Variants in SYN3 observed in about 807,000 individuals in gnomAD.
SYN3 encodes the protein synapsin III, also known as synapsin-3.
In SYN3, 35 loss-of-function variants were observed where a neutral mutation model predicts 65.8. The observed-to-expected ratio is 0.53, with a 90% CI of 0.41 to 0.70. The LOEUF (loss-of-function observed/expected upper bound fraction) is 0.70, where lower values mean the gene tolerates loss of function less well. SYN3 is among the 30% of genes least tolerant of loss of function. The pLI is 0.00. For synonymous variants in SYN3, 270 were observed against 292.9 expected (o/e 0.92, Z 0.80); for missense variants, 680 against 749.0 (o/e 0.91, Z 1.08).
At chr22:32,972,422 A>G (rs1002497564) in intron 3 of SYN3, among the ~76,000 whole-genome samples, 1 of 151,280 alleles carries the variant, frequency 6.6e-6, no homozygotes, top group Non-Finnish European at 1.5e-5. Flanking sequence ...TGTAGATGCC[A>G]AGTAGCCAAA....
At chr22:32,955,143 AC>A (rs1259391414) in intron 3 of SYN3, among the ~76,000 whole-genome samples, 1 of 151,804 alleles carries the variant, frequency 6.6e-6, no homozygotes, top group Non-Finnish European at 1.5e-5. Context: ...ACAGCCCTGC[AC>A]CCCCAGGTGA....
At chr22:32,964,815 A>C (rs1006375344) in intron 3 of SYN3, among the ~76,000 whole-genome samples, 2 of 152,274 alleles carry the variant, frequency 1.3e-5, no homozygotes, top group Non-Finnish European at 2.9e-5. Flanking sequence ...GCCCCATGAC[A>C]GAACTTAGCT....
chr22:32,978,081 C>A (rs1051819874), intron 3 of SYN3, among the ~76,000 whole-genome samples: 4 of 152,146 alleles, frequency 2.6e-5, no homozygotes, highest in African/African-American at 9.7e-5. Flanking sequence ...CTTCAAAGAA[C>A]CTAATTTGCT....
intron 2 of SYN3, among the ~76,000 whole-genome samples, chr22:32,986,924 G>A (rs2052544862): frequency 6.6e-6 from 1 of 152,136 alleles, no homozygotes; most frequent in South Asian, 2.1e-4. Context: ...GCTGCCTGGG[G>A]TGGGAAATCC....
chr22:32,929,040 T>C, intron 4 of SYN3, among the ~76,000 whole-genome samples: 1 of 152,196 alleles, frequency 6.6e-6, no homozygotes, highest in East Asian at 1.9e-4. Context: ...TCCAACACTT[T>C]GGGAGGCCAA....
intron 6 of SYN3, among the ~76,000 whole-genome samples, chr22:32,719,111 C>T (rs1456269522): frequency 6.6e-6 from 1 of 152,214 alleles, no homozygotes; most frequent in Non-Finnish European, 1.5e-5. Context: ...CTTCCCTCAT[C>T]CCCTCTTTGA....
chr22:32,857,403 T>C (rs561492810), intron 6 of SYN3: 1 of 1,456,694 alleles, frequency 6.9e-7, no homozygotes, highest in East Asian at 2.3e-5. Flanking sequence ...TTGGCCAAGG[T>C]CCACTGTTTC....
Position 32,546,675 on chromosome 22 carries a change from C to T in SYN3, c.775-4962G>A, listed in dbSNP as rs931927414. On this transcript the variant is annotated intron_variant, in intron 7 of 13. Transcript: ENST00000358763. ...GCCTGGGCAGGGAGTCTTGGCACTC[C>T]GCTTTATTTACTGGCTGGAAATCCC... Among the ~76,000 whole-genome samples the T allele has an allele frequency of 1.5e-4, 23 of 151,802 alleles. No homozygotes were observed. The South Asian group carries it at 3.7e-3, about 25-fold the overall frequency.
At chr22:32,533,727 A>G in intron 10 of SYN3, 66 bp downstream of exon 10, 1 of 1,129,774 alleles carries the variant, frequency 8.9e-7, no homozygotes, top group Non-Finnish European at 1.3e-6. Context: ...CCATGCAGGG[A>G]TTCCCTCCCC....
At chr22:32,798,087 C>T (rs1302763144) in intron 6 of SYN3, among the ~76,000 whole-genome samples, 1 of 152,048 alleles carries the variant, frequency 6.6e-6, no homozygotes, top group Non-Finnish European at 1.5e-5. Context: ...GTTTGGAATG[C>T]ATTAGCTAGT....
intron 7 of SYN3, among the ~76,000 whole-genome samples, chr22:32,579,861 C>T (rs1388917531): frequency 6.6e-6 from 1 of 152,208 alleles, no homozygotes; most frequent in East Asian, 1.9e-4. Context: ...AATGAAAACT[C>T]CTTCTGTTGT....
At chr22:32,840,639 C>T (rs1423733856) in intron 6 of SYN3, among the ~76,000 whole-genome samples, 2 of 152,040 alleles carry the variant, frequency 1.3e-5, no homozygotes, top group African/African-American at 2.4e-5. Flanking sequence ...CTTACCGCCG[C>T]CCCCTCCGCC....
rs2046062722 is a variant in SYN3 at position 32,781,500 on chromosome 22, T to C, written c.711+83415A>G. Among the ~76,000 whole-genome samples the C allele has an allele frequency of 1.3e-5, 2 of 152,024 alleles. 1 individual carries two copies. The highest frequency in any genetic ancestry group is 4.1e-4 in the South Asian group (2 of 4,820). ...GGTTTCAGTTTTCCCCACCTATAAA[T>C]TGGCATTACGATAATGCACTTACCC... On this transcript the variant is annotated intron_variant, in intron 6 of 13. Transcript: ENST00000358763.
At chr22:32,814,960 T>C (rs575718716) in intron 6 of SYN3, among the ~76,000 whole-genome samples, 7 of 152,362 alleles carry the variant, frequency 4.6e-5, no homozygotes, top group African/African-American at 1.4e-4. Context: ...CATTTCAATA[T>C]GTAATCAATT....
At chr22:32,778,486 GT>G (rs2045959965) in intron 6 of SYN3, among the ~76,000 whole-genome samples, 1 of 152,098 alleles carries the variant, frequency 6.6e-6, no homozygotes, top group African/African-American at 2.4e-5. Context: ...TAGAGATGGA[GT>G]TTCACCATGT....
chr22:32,844,999 G>A (rs1170524023), intron 6 of SYN3, among the ~76,000 whole-genome samples: 2 of 152,168 alleles, frequency 1.3e-5, no homozygotes, highest in Non-Finnish European at 2.9e-5. Flanking sequence ...AAAGTGATGA[G>A]ATTATAGGCA....
In SYN3 at chr22:32,922,126, A is replaced by G. The variant is rs370928407; in HGVS notation, c.461+9264T>C. ...TGTTCCCCACCTAAAAGTCAGATGC[A>G]TGGATCCTCTCCATATTTTTCTTCC... is the stretch of plus-strand genomic sequence containing the variant. On this transcript the variant is annotated intron_variant, in intron 4 of 13. Transcript: ENST00000358763. Among the ~76,000 whole-genome samples the G allele has an allele frequency of 2.2e-4, 34 of 152,326 alleles. 1 individual carries two copies. The South Asian group carries it at 6.6e-3, about 30-fold the overall frequency.
rs1569118887 is a variant in SYN3 at position 32,644,102 on chromosome 22, A to AGT, written c.712-47367_712-47366insAC. Among the ~76,000 whole-genome samples the AGT allele has an allele frequency of 1.7e-4, 2 of 11,792 alleles. 1 individual carries two copies. The highest frequency in any genetic ancestry group is 3.2e-4 in the Non-Finnish European group (2 of 6,278). 7.7% of individuals were successfully genotyped at this position (11,792 alleles called of 152,430 possible). A position where few individuals can be genotyped will look rare whatever the true frequency, so the allele number is the denominator to read the frequency against. On this transcript the variant is annotated intron_variant, in intron 6 of 13. Transcript: ENST00000358763. ...AAAAAAAAAAAAAAAAAAAAAAAAA[A>AGT]GCGACAAGACTGACTGATGATGGGA...
Position 32,713,881 on chromosome 22 carries a change from A to C in SYN3, c.712-117145T>G, listed in dbSNP as rs192715345. On this transcript the variant is annotated intron_variant, in intron 6 of 13. Transcript: ENST00000358763. ...ATATCCCAGGGAGCACCAAATCTGC[A>C]TCAACACCAAAGGAAACCATGCCAA... is the stretch of plus-strand genomic sequence containing the variant. 2.3e-3 allele frequency among the ~76,000 whole-genome samples: 344 copies of C among 151,888 alleles called. 1 individual carries two copies. Among genetic ancestry groups the C allele is most frequent in the Non-Finnish European group, 5.4e-4 (37 of 67,966 alleles).
Sources: gnomAD v4.1 joint callset for allele counts (sites outside exome capture counted in the v4.1 genomes callset) on GRCh38, gnomAD v4.1.1 for gene constraint, MANE v1.5 for transcripts, NCBI Gene and HGNC (gene_info 2026-07-23, HGNC 2026-07-21) for gene names.